The following KCNH7 variants were observed in gnomAD, a reference collection of about 807,000 sequenced individuals.
The protein encoded by KCNH7 is voltage-gated inwardly rectifying potassium channel KCNH7.
KCNH7 carries 49 observed loss-of-function variants against 120.8 expected under a neutral mutation model. The observed-to-expected ratio is 0.41, with a 90% CI of 0.32 to 0.51. KCNH7 has a LOEUF of 0.51. Among genes scored for constraint, KCNH7 ranks in the 20% least tolerant of loss-of-function variants. The pLI, the probability that KCNH7 is intolerant of heterozygous loss-of-function variation, is 0.38. For missense variants in KCNH7, 1,097 were observed against 1,446.6 expected, an observed-to-expected ratio of 0.76 and a Z score of 3.92; for synonymous variants, 547 against 516.1, an observed-to-expected ratio of 1.06 and a Z score of -0.81.
At chr2:162,667,758 C>T (rs184681194) in intron 2 of KCNH7, among the ~76,000 whole-genome samples, 1 of 152,228 alleles carries the variant, frequency 6.6e-6, no homozygotes, top group East Asian at 1.9e-4. Context: ...GCTTTATTTG[C>T]TTTATGGCAC....
At chr2:162,428,680 A>G (rs1687949154) in intron 8 of KCNH7, among the ~76,000 whole-genome samples, 1 of 151,902 alleles carries the variant, frequency 6.6e-6, no homozygotes, top group Middle Eastern at 3.2e-3. Context: ...TTCTCCTTTC[A>G]GTTACATCAG....
At chr2:162,377,455 A>G (rs1686243899) in intron 14 of KCNH7, among the ~76,000 whole-genome samples, 1 of 152,196 alleles carries the variant, frequency 6.6e-6, no homozygotes, top group South Asian at 2.1e-4. Context: ...CTGAGAGGTA[A>G]AGGTGGAGAT....
intron 9 of KCNH7, among the ~76,000 whole-genome samples, chr2:162,419,384 T>C (rs1687634986): frequency 6.6e-6 from 1 of 151,770 alleles, no homozygotes; most frequent in African/African-American, 2.4e-5. Context: ...AGGTTAGAAT[T>C]GCCATCCTCA....
At chr2:162,411,729 T>C (rs1009962322) in intron 9 of KCNH7, among the ~76,000 whole-genome samples, 4 of 151,694 alleles carry the variant, frequency 2.6e-5, no homozygotes, top group African/African-American at 9.7e-5. Flanking sequence ...AAATCAACTA[T>C]TAAGATATTT....
At chr2:162,429,669 T>C (rs1291859308) in intron 8 of KCNH7, among the ~76,000 whole-genome samples, 1 of 150,770 alleles carries the variant, frequency 6.6e-6, no homozygotes, top group Non-Finnish European at 1.5e-5. Context: ...TCTATCAACA[T>C]TATCTTTTTC....
At position 162,423,414 on chromosome 2, in the gene KCNH7, GA is replaced by G. The variant is rs1558937294; in HGVS notation, c.2075del (p.Ile692ThrfsTer5). ...CAAGACGTTGCCTCAGAGGGTTGGG[GA>G]TTTGGTGAAAGCGAATGAACTCTTT... Reference protein sequence around the residue: ...RVKEFIRFHQIPNPLRQRLEE... With the variant: ...RVKEFIRFHQXPNPLRQRLEE... On this transcript the variant is annotated frameshift_variant, in exon 9 of 16. Coordinates refer to ENST00000332142, the MANE Select transcript of KCNH7 (RefSeq NM_033272.4). LOFTEE classifies it high-confidence loss of function. The G allele has an allele frequency of 6.2e-7, 1 of 1,614,142 alleles. No individual in the cohort carries two copies. The highest frequency in any genetic ancestry group is 1.7e-5 in the Admixed American group (1 of 60,020).
chr2:162,620,153 T>TAC (rs550361313), intron 2 of KCNH7, among the ~76,000 whole-genome samples: 1 of 143,942 alleles, frequency 6.9e-6, no homozygotes, highest in Non-Finnish European at 1.5e-5. Context: ...GAAATATAGA[T>TAC]ATATATATAG....
chr2:162,525,136 C>T (rs1691655536), intron 3 of KCNH7, among the ~76,000 whole-genome samples: 1 of 151,974 alleles, frequency 6.6e-6, no homozygotes, highest in African/African-American at 2.4e-5. Flanking sequence ...CCATGAAAGA[C>T]TAAGAATCCT....
At chr2:162,510,512 A>G (rs1291733241) in intron 5 of KCNH7, among the ~76,000 whole-genome samples, 1 of 151,580 alleles carries the variant, frequency 6.6e-6, no homozygotes, top group African/African-American at 2.4e-5. Flanking sequence ...CCACCTGTGC[A>G]AGGTATTTAG....
intron 6 of KCNH7, among the ~76,000 whole-genome samples, chr2:162,503,901 G>A (rs1690774365): frequency 6.6e-6 from 1 of 151,980 alleles, no homozygotes; most frequent in South Asian, 2.1e-4. Context: ...TTTCATCCTA[G>A]TTCAAGTTGC....
chr2:162,666,478 T>G (rs1332843513), intron 2 of KCNH7, among the ~76,000 whole-genome samples: 1 of 152,046 alleles, frequency 6.6e-6, no homozygotes, highest in Non-Finnish European at 1.5e-5. Context: ...TTTCTTCACT[T>G]CCATACTCTT....
intron 2 of KCNH7, among the ~76,000 whole-genome samples, chr2:162,728,127 C>G (rs1294404869): frequency 6.6e-6 from 1 of 150,542 alleles, no homozygotes; most frequent in African/African-American, 2.4e-5. Flanking sequence ...TATATGACAG[C>G]TCTAGTTGAT....
At chr2:162,747,034 T>C (rs1308009964) in intron 2 of KCNH7, among the ~76,000 whole-genome samples, 1 of 152,276 alleles carries the variant, frequency 6.6e-6, no homozygotes, top group East Asian at 1.9e-4. Context: ...ATGAAAATTC[T>C]TAATCACTTT....
chr2:162,525,579 A>G (rs1691672530), intron 3 of KCNH7, among the ~76,000 whole-genome samples: 1 of 152,008 alleles, frequency 6.6e-6, no homozygotes, highest in South Asian at 2.1e-4. Flanking sequence ...TTAAAATAAC[A>G]GCTTAATAAA....
At chr2:162,592,147 T>C (rs1377066261) in intron 2 of KCNH7, among the ~76,000 whole-genome samples, 7 of 152,028 alleles carry the variant, frequency 4.6e-5, no homozygotes, top group Non-Finnish European at 2.9e-5. Context: ...GGTGGGGTGA[T>C]TCAAGTCTCC....
At chr2:162,449,218 AG>A (rs1233647440) in intron 6 of KCNH7, among the ~76,000 whole-genome samples, 2 of 152,096 alleles carry the variant, frequency 1.3e-5, no homozygotes, top group African/African-American at 4.8e-5. Context: ...GTGACTGGAT[AG>A]GGATCTCAGG....
At chr2:162,533,209 C>G (rs1691990447) in intron 3 of KCNH7, among the ~76,000 whole-genome samples, 1 of 151,490 alleles carries the variant, frequency 6.6e-6, no homozygotes, top group South Asian at 2.1e-4. Context: ...AATAAAACAA[C>G]AACAAAAACC....
chr2:162,679,956 C>A (rs1221308340), intron 2 of KCNH7, among the ~76,000 whole-genome samples: 1 of 151,702 alleles, frequency 6.6e-6, no homozygotes, highest in African/African-American at 2.4e-5. Context: ...AAGTGGAACA[C>A]ACGCCATATT....
chr2:162,654,094 T>G (rs1684660620), intron 2 of KCNH7, among the ~76,000 whole-genome samples: 1 of 151,518 alleles, frequency 6.6e-6, no homozygotes, highest in Non-Finnish European at 1.5e-5. Context: ...AGCAATGATT[T>G]TTTTTTTTTG....
Sources: gnomAD v4.1 joint callset for allele counts (sites outside exome capture counted in the v4.1 genomes callset) on GRCh38, gnomAD v4.1.1 for gene constraint, MANE v1.5 for transcripts, NCBI Gene and HGNC (gene_info 2026-07-23, HGNC 2026-07-21) for gene names.